HINT2: variants seen among roughly 807,000 people sequenced by gnomAD.
The protein encoded by HINT2 is adenosine 5'-monophosphoramidase HINT2.
In HINT2, 17 loss-of-function variants were observed where a neutral mutation model predicts 20.0. That is an observed-to-expected ratio of 0.85 (90% CI 0.58 to 1.27). HINT2 has a LOEUF of 1.27. HINT2 is among the 50% of genes most tolerant of loss of function. The pLI is 0.00. For missense variants in HINT2, 217 were observed against 211.9 expected (o/e 1.02, Z -0.15); for synonymous variants, 96 against 84.2 (o/e 1.14, Z -0.77).
rs915910864 is a variant in HINT2 at position 35,814,929 on chromosome 9, G to A, written c.51C>T (p.Ala17=). 2.0e-6 allele frequency: 3 copies of A among 1,486,242 alleles called. No homozygotes were observed. The highest frequency in any genetic ancestry group is 1.5e-5 in the African/African-American group (1 of 68,562). The allele number at this position is 1,486,242 out of a possible 1,614,324, so 92.1% of individuals were successfully genotyped here. A position where few individuals can be genotyped will look rare whatever the true frequency, so the allele number is the denominator to read the frequency against. Residue 17 remains alanine (A), a synonymous_variant, in exon 1 of 5, where the codon GCC becomes GCT. Coordinates refer to ENST00000259667, the MANE Select transcript of HINT2 (RefSeq NM_032593.3). ...LAAGLRAARR[A]VAATGVRGGQ... ...CCCCGCGCACCCCCGTGGCCGCCAC[G>A]GCTCTGCGCGCCGCGCGCAACCCAG...
At chr9:35,814,052 A>C in intron 1 of HINT2, 1 of 401,208 alleles carries the variant, frequency 2.5e-6, no homozygotes, top group East Asian at 4.4e-5. Context: ...AGGATCTAGA[A>C]TGAGAGACTG....
Position 35,815,042 on chromosome 9 carries a change from T to A in HINT2, c.-63A>T. On this transcript the variant is annotated 5_prime_UTR_variant, in exon 1 of 5. Transcript: ENST00000259667. ...ACTCGGCTCCGCGGCCGGCCGTGGG[T>A]GGGGACTCCGGGCGCGGGGAAGCGG... 1 of 1,326,908 alleles carries A rather than the reference T, an allele frequency of 7.5e-7. No homozygotes were observed. Among genetic ancestry groups the A allele is most frequent in the African/African-American group, 1.5e-5 (1 of 64,820 alleles). The allele number at this position is 1,326,908 out of a possible 1,614,324, so 82.2% of individuals were successfully genotyped here.
Position 35,813,552 on chromosome 9 carries a change from G to A in HINT2, c.223-3C>T. The A allele has an allele frequency of 6.2e-7, 1 of 1,614,108 alleles. No homozygotes were observed. Among genetic ancestry groups the A allele is most frequent in the Non-Finnish European group, 8.5e-7 (1 of 1,179,970 alleles). ...GCCACATCACGGAACACAAGACACT[G>A]GGGGAAGTGACAGGCCAGAGGCCAC... On this transcript the variant is annotated splice_region_variant and splice_polypyrimidine_tract_variant and intron_variant, in intron 2 of 4. Coordinates refer to ENST00000259667, the MANE Select transcript of HINT2 (RefSeq NM_032593.3).
upstream of HINT2, chr9:35,815,418 C>G (rs1828994520): frequency 6.4e-6 from 1 of 155,366 alleles, no homozygotes; most frequent in Non-Finnish European, 1.4e-5. Flanking sequence ...GGTTCGTCCT[C>G]TTCAGGTCTG....
In HINT2 at chr9:35,813,052, G is replaced by A; in HGVS notation, c.*2C>T. The stretch of plus-strand genomic sequence containing the variant: ...CTGGTGTCCTTTAATCAGTTGGCAG[G>A]TTCAACCTGGAGGCCACTGGAGCTG... On this transcript the variant is annotated 3_prime_UTR_variant, in exon 5 of 5. Coordinates refer to ENST00000259667, the MANE Select transcript of HINT2 (RefSeq NM_032593.3). 6.2e-7 allele frequency: 1 copy of A among 1,613,122 alleles called. No homozygotes were observed. Among genetic ancestry groups the A allele is most frequent in the Non-Finnish European group, 8.5e-7 (1 of 1,179,060 alleles).
intron 1 of HINT2, 127 bp downstream of exon 1, chr9:35,814,772 T>C (rs1828974356): frequency 1.3e-6 from 1 of 781,352 alleles, no homozygotes; most frequent in Admixed American, 4.0e-5. Context: ...CCCCGGAGCT[T>C]GTGCCTCGGA....
At chr9:35,815,214 A>C, upstream of HINT2, 2 of 456,422 alleles carry the variant, frequency 4.4e-6, no homozygotes, top group Admixed American at 4.4e-5. Context: ...TTTCCATTCC[A>C]TTGGTTTCGT....
At position 35,814,884 on chromosome 9, in the gene HINT2, C is replaced by T. The variant is rs1271563839; in HGVS notation, c.81+15G>A. On this transcript the variant is annotated intron_variant, in intron 1 of 4. Coordinates refer to ENST00000259667, the MANE Select transcript of HINT2 (RefSeq NM_032593.3). ...GCCCGCAGGACCCCCTACTCGCTCC[C>T]GCGCCACTTCTCACCTGCCCCCCGC... The T allele has an allele frequency of 6.7e-7, 1 of 1,488,974 alleles. No homozygotes were observed. The allele number at this position is 1,488,974 out of a possible 1,614,324, so 92.2% of individuals were successfully genotyped here.
In HINT2 at chr9:35,812,991, G is replaced by T; in HGVS notation, c.*63C>A. On this transcript the variant is annotated 3_prime_UTR_variant, in exon 5 of 5. Coordinates refer to ENST00000259667, the MANE Select transcript of HINT2 (RefSeq NM_032593.3). The stretch of plus-strand genomic sequence containing the variant: ...GAGAACAGTTTTATTAGCATCACAG[G>T]GTCCATTTTTCCCTTTCCATCCAAG... 1 of 1,208,856 alleles carries T rather than the reference G, an allele frequency of 8.3e-7. No homozygotes were observed. The highest frequency in any genetic ancestry group is 1.2e-6 in the Non-Finnish European group (1 of 810,150). 74.9% of individuals were successfully genotyped at this position (1,208,856 alleles called of 1,614,324 possible).
At chr9:35,814,715 A>G (rs1828970302) in intron 1 of HINT2, 184 bp downstream of exon 1, 3 of 550,586 alleles carry the variant, frequency 5.4e-6, no homozygotes, top group Non-Finnish European at 9.1e-6. Flanking sequence ...GGCGGGAATC[A>G]GCACCAGCTC....
upstream of HINT2, chr9:35,815,267 A>C: frequency 2.8e-6 from 1 of 357,812 alleles, no homozygotes; most frequent in Non-Finnish European, 5.1e-6. Flanking sequence ...GGATCCCCTT[A>C]CTAGTTTCTC....
chr9:35,814,225 CCGTTA>C (rs1828955055), intron 1 of HINT2: 1 of 160,940 alleles, frequency 6.2e-6, no homozygotes, highest in Admixed American at 6.1e-5. Context: ...CCACTTATTT[CCGTTA>C]CTTGTTTTCT....
intron 1 of HINT2, 155 bp downstream of exon 1, chr9:35,814,744 T>C (rs928464779): frequency 8.4e-5 from 53 of 627,662 alleles, no homozygotes; most frequent in Non-Finnish European, 2.0e-5. Context: ...GAGCCACCAG[T>C]TCGACCTCAC....
chr9:35,815,023 C>T lies in HINT2; in HGVS notation c.-44G>A. 1 of 1,371,714 alleles carries T rather than the reference C, an allele frequency of 7.3e-7. No homozygotes were observed. The highest frequency in any genetic ancestry group is 9.4e-7 in the Non-Finnish European group (1 of 1,067,406). The allele number at this position is 1,371,714 out of a possible 1,614,324, so 85.0% of individuals were successfully genotyped here. The stretch of plus-strand genomic sequence containing the variant: ...ACCTCTCACCCGGGTCAGCACTCGG[C>T]TCCGCGGCCGGCCGTGGGTGGGGAC... On this transcript the variant is annotated 5_prime_UTR_variant, in exon 1 of 5. Transcript: ENST00000259667.
Position 35,814,906 on chromosome 9 carries a change from C to A in HINT2, c.74G>T (p.Gly25Val). The change falls in exon 1 of 5, where the codon GGG (glycine) becomes GTG (valine). Residue 25 changes from glycine (G) to valine (V), a missense_variant. Coordinates refer to ENST00000259667, the MANE Select transcript of HINT2 (RefSeq NM_032593.3). ...TCCCGCGCCACTTCTCACCTGCCCC[C>A]CGCGCACCCCCGTGGCCGCCACGGC... ...RRAVAATGVR[G>V]GQVRGAAGVT... 3 of 1,487,886 alleles carry A rather than the reference C, an allele frequency of 2.0e-6. No individual in the cohort carries two copies. The highest frequency in any genetic ancestry group is 2.7e-6 in the Non-Finnish European group (3 of 1,126,570). 92.2% of individuals were successfully genotyped at this position (1,487,886 alleles called of 1,614,324 possible).
intron 1 of HINT2, 36 bp from the exon 2 acceptor site, chr9:35,813,820 T>C: frequency 6.3e-7 from 1 of 1,583,770 alleles, no homozygotes; most frequent in Non-Finnish European, 8.6e-7. Flanking sequence ...AGGAGGGAGC[T>C]GGCAGAAGCT....
chr9:35,814,070 T>G, intron 1 of HINT2: 2 of 372,292 alleles, frequency 5.4e-6, no homozygotes, highest in Non-Finnish European at 9.8e-6. Flanking sequence ...CTGGGGATTT[T>G]GGTCTCAGTT....
Position 35,814,970 on chromosome 9 carries a change from C to G in HINT2, c.10G>C (p.Ala4Pro). 1 of 1,474,218 alleles carries G rather than the reference C, an allele frequency of 6.8e-7. No individual in the cohort carries two copies. The allele number at this position is 1,474,218 out of a possible 1,614,324, so 91.3% of individuals were successfully genotyped here. A position where few individuals can be genotyped will look rare whatever the true frequency, so the allele number is the denominator to read the frequency against. Residue 4 changes from alanine (A) to proline (P), a missense_variant, in exon 1 of 5, where the codon GCC (alanine) becomes CCC (proline). Coordinates refer to ENST00000259667, the MANE Select transcript of HINT2 (RefSeq NM_032593.3). MAA[A>P]VVLAAGLRAA... ...CGCAACCCAGCAGCCAGCACCACGG[C>G]TGCCGCCATCTTCCCTGAGCCGCGG...
upstream of HINT2, chr9:35,815,043 G>T (rs1828986932): frequency 7.6e-7 from 1 of 1,316,466 alleles, no homozygotes; most frequent in Non-Finnish European, 9.8e-7. Context: ...GGCCGTGGGT[G>T]GGGACTCCGG....
Sources: gnomAD v4.1 joint callset for allele counts on GRCh38, gnomAD v4.1.1 for gene constraint, MANE v1.5 for transcripts, NCBI Gene and HGNC (gene_info 2026-07-23, HGNC 2026-07-21) for gene names.